The following EIF4G3 variants were observed in gnomAD, a reference collection of about 807,000 sequenced individuals.
EIF4G3 encodes the protein eIF-4-gamma 3.
Under a neutral mutation model 186.4 loss-of-function variants are expected in EIF4G3, and 34 were observed. The observed-to-expected ratio is 0.18, with a 90% confidence interval of 0.14 to 0.24. The LOEUF (loss-of-function observed/expected upper bound fraction) is 0.24. EIF4G3 is among the 10% of genes least tolerant of loss of function. The pLI, the probability that EIF4G3 is intolerant of heterozygous loss-of-function variation, is 1.00. For synonymous variants in EIF4G3, 673 were observed against 679.5 expected (o/e 0.99, Z 0.15); for missense variants, 1,536 against 1,948.5 (o/e 0.79, Z 3.99).
chr1:20,939,853 T>G (rs996602960), intron 14 of EIF4G3, among the ~76,000 whole-genome samples: 12 of 133,970 alleles, frequency 9.0e-5, no homozygotes, highest in Non-Finnish European at 1.4e-4. Flanking sequence ...TTTAGTTTTT[T>G]TTTTTTTTTT....
chr1:20,992,045 G>C (rs2081250232), intron 7 of EIF4G3, among the ~76,000 whole-genome samples: 1 of 152,146 alleles, frequency 6.6e-6, no homozygotes, highest in Non-Finnish European at 1.5e-5. Context: ...ATAATTTGTA[G>C]TGAAGCTGAA....
At chr1:20,940,434 T>C (rs997817084) in intron 14 of EIF4G3, among the ~76,000 whole-genome samples, 2 of 152,164 alleles carry the variant, frequency 1.3e-5, no homozygotes, top group South Asian at 2.1e-4. Context: ...GATGAGGAAA[T>C]TGTCTCAAGA....
At chr1:20,884,934 G>A (rs772104051) in intron 19 of EIF4G3, among the ~76,000 whole-genome samples, 14 of 152,244 alleles carry the variant, frequency 9.2e-5, no homozygotes, top group African/African-American at 2.9e-4. Flanking sequence ...GGGGTTGAGC[G>A]GGGAAGAGGA....
intron 2 of EIF4G3, among the ~76,000 whole-genome samples, chr1:21,142,934 T>C (rs1362416489): frequency 6.6e-6 from 1 of 152,112 alleles, no homozygotes; most frequent in East Asian, 1.9e-4. Context: ...CATAAAACTG[T>C]TACTAAAGAA....
chr1:21,070,658 G>A (rs1203885157), intron 3 of EIF4G3, among the ~76,000 whole-genome samples: 1 of 151,942 alleles, frequency 6.6e-6, no homozygotes, highest in Non-Finnish European at 1.5e-5. Flanking sequence ...ACATGTATGT[G>A]CAAACATAAA....
chr1:21,138,911 G>C (rs2097293575), intron 2 of EIF4G3, among the ~76,000 whole-genome samples: 2 of 152,080 alleles, frequency 1.3e-5, no homozygotes, highest in African/African-American at 4.8e-5. Flanking sequence ...TTCAGACAAA[G>C]TCTCACCCTG....
At chr1:20,941,412 G>A in intron 14 of EIF4G3, 79 bp downstream of exon 14, 2 of 1,610,182 alleles carry the variant, frequency 1.2e-6, no homozygotes, top group Non-Finnish European at 1.7e-6. Flanking sequence ...GTCAAGGAAA[G>A]TAGCCAATTA....
chr1:21,003,614 TA>T, intron 4 of EIF4G3: 1 of 317,860 alleles, frequency 3.1e-6, no homozygotes, highest in South Asian at 3.0e-5. Context: ...TGATGCCAGC[TA>T]AGGTTGTCAG....
intron 4 of EIF4G3, among the ~76,000 whole-genome samples, chr1:21,016,376 G>A (rs1239866427): frequency 6.6e-6 from 1 of 152,124 alleles, no homozygotes; most frequent in Admixed American, 6.5e-5. Context: ...GGGAGGAAAT[G>A]AGGCAGACTC....
chr1:21,072,797 C>T (rs566688408), intron 3 of EIF4G3, among the ~76,000 whole-genome samples: 20 of 152,268 alleles, frequency 1.3e-4, no homozygotes, highest in Admixed American at 3.9e-4. Flanking sequence ...GATTTCATAT[C>T]AAATAAACGG....
At chr1:20,818,251 G>C (rs2061529170) in intron 33 of EIF4G3, among the ~76,000 whole-genome samples, 1 of 152,118 alleles carries the variant, frequency 6.6e-6, no homozygotes, top group Non-Finnish European at 1.5e-5. Flanking sequence ...ATCAAAACTA[G>C]ATAGTTTTGG....
chr1:20,882,456 C>T (rs2082682181), intron 19 of EIF4G3, among the ~76,000 whole-genome samples: 1 of 151,814 alleles, frequency 6.6e-6, no homozygotes, highest in South Asian at 2.1e-4. Context: ...CCCGTCTCTA[C>T]TAAAAATACA....
At chr1:21,115,895 A>C (rs553125098) in intron 2 of EIF4G3, among the ~76,000 whole-genome samples, 1 of 151,752 alleles carries the variant, frequency 6.6e-6, no homozygotes, top group Non-Finnish European at 1.5e-5. Flanking sequence ...ATTTTTTTTT[A>C]AATTTTTTGT....
intron 4 of EIF4G3, among the ~76,000 whole-genome samples, chr1:21,037,867 G>C (rs928701797): frequency 6.6e-6 from 1 of 152,188 alleles, no homozygotes; most frequent in African/African-American, 2.4e-5. Flanking sequence ...GGAGGGAAAA[G>C]GCACTGTTCC....
Position 20,853,687 on chromosome 1 carries a change from TCGAGGA to T in EIF4G3, c.3434-16_3434-11del, listed in dbSNP as rs1320984106. 2 of 1,592,376 alleles carry T rather than the reference TCGAGGA, an allele frequency of 1.3e-6. No homozygotes were observed. Among genetic ancestry groups the T allele is most frequent in the Non-Finnish European group, 1.7e-6 (2 of 1,160,702 alleles). On this transcript the variant is annotated splice_polypyrimidine_tract_variant and intron_variant, in intron 26 of 36. Coordinates refer to ENST00000602326, the MANE Select transcript of EIF4G3 (RefSeq NM_001391906.1). ...CTTGACCGTAAGGCATCTACACATGTCGAGGATTTAGAAAAAAATACAAATCACATG... is the reference window on the plus strand; with the variant it reads ...CTTGACCGTAAGGCATCTACACATGTTTTAGAAAAAAATACAAATCACATG...
chr1:21,021,341 G>A (rs2154570863), intron 4 of EIF4G3, among the ~76,000 whole-genome samples: 1 of 152,240 alleles, frequency 6.6e-6, no homozygotes, highest in South Asian at 2.1e-4. Flanking sequence ...TCTGATTAAA[G>A]TTTACATGCT....
chr1:20,850,782 G>C (rs375217624), intron 28 of EIF4G3, among the ~76,000 whole-genome samples: 2 of 152,132 alleles, frequency 1.3e-5, no homozygotes, highest in African/African-American at 4.8e-5. Context: ...AGCATTATCC[G>C]AGCAAGTCCT....
rs1426602148 is a variant in EIF4G3 at position 20,864,668 on chromosome 1, C to T, written c.2814G>A (p.Lys938=). 2.5e-6 allele frequency: 4 copies of T among 1,614,008 alleles called. No individual in the cohort carries two copies. The highest frequency in any genetic ancestry group is 3.4e-6 in the Non-Finnish European group (4 of 1,180,024). ...TRLHDELEEA[K]DKARRRSIGN... is the part of the protein sequence containing the mutation. The stretch of plus-strand genomic sequence containing the variant: ...CAATGGATCTCCGCCGGGCTTTGTC[C>T]TTGGCTTCTTCCAGTTCATCATGAA... Residue 938 remains lysine, a synonymous_variant, in exon 22 of 37, where the codon AAG becomes AAA. Coordinates refer to ENST00000602326, the MANE Select transcript of EIF4G3 (RefSeq NM_001391906.1).
intron 4 of EIF4G3, among the ~76,000 whole-genome samples, chr1:21,038,562 T>A (rs571465988): frequency 6.6e-6 from 1 of 152,300 alleles, no homozygotes; most frequent in African/African-American, 2.4e-5. Context: ...AGAGTTCTCA[T>A]TCATTTGTCA....
Sources: gnomAD v4.1 joint callset for allele counts (sites outside exome capture counted in the v4.1 genomes callset) on GRCh38, gnomAD v4.1.1 for gene constraint, MANE v1.5 for transcripts, NCBI Gene and HGNC (gene_info 2026-07-23, HGNC 2026-07-21) for gene names.